TTLL7: variants seen among roughly 807,000 people sequenced by gnomAD.
The protein encoded by TTLL7 is tubulin tyrosine ligase like 7.
Under a neutral mutation model 120.2 loss-of-function variants are expected in TTLL7, and 53 were observed. The observed-to-expected ratio is 0.44, with a 90% CI of 0.35 to 0.55. TTLL7 has a LOEUF of 0.55. Ranked by LOEUF, TTLL7 falls within the 20% of genes least tolerant of loss-of-function variation. The pLI, the probability that TTLL7 is intolerant of heterozygous loss-of-function variation, is 0.00. For synonymous variants in TTLL7, 353 were observed against 351.7 expected (o/e 1.00, Z -0.04); for missense variants, 803 against 1,054.7 (o/e 0.76, Z 3.31).
intron 6 of TTLL7, 51 bp downstream of exon 6, chr1:83,947,073 A>G: frequency 2.7e-6 from 4 of 1,469,180 alleles, no homozygotes; most frequent in Non-Finnish European, 3.6e-6. Flanking sequence ...TATTCTCCCC[A>G]CTCCCAAATT....
intron 10 of TTLL7, among the ~76,000 whole-genome samples, chr1:83,924,195 A>T (rs1037565082): frequency 5.3e-5 from 8 of 152,300 alleles, no homozygotes; most frequent in African/African-American, 1.9e-4. Context: ...ATGGCATATA[A>T]ACAAAAACAC....
chr1:83,963,081 C>T (rs1650148748), intron 1 of TTLL7, among the ~76,000 whole-genome samples: 1 of 152,104 alleles, frequency 6.6e-6, no homozygotes, highest in Non-Finnish European at 1.5e-5. Flanking sequence ...TTTCTTGTAA[C>T]CATAATCTGA....
intron 1 of TTLL7, among the ~76,000 whole-genome samples, chr1:83,994,371 A>G (rs1653292153): frequency 6.6e-6 from 1 of 152,134 alleles, no homozygotes; most frequent in South Asian, 2.1e-4. Flanking sequence ...AAGAGAGTGG[A>G]GGTAGGACAG....
chr1:83,916,605 C>A (rs910033655), intron 14 of TTLL7, among the ~76,000 whole-genome samples: 1 of 151,228 alleles, frequency 6.6e-6, no homozygotes, highest in Non-Finnish European at 1.5e-5. Flanking sequence ...CAAACCTGCA[C>A]GTTGTGCACA....
intron 20 of TTLL7, among the ~76,000 whole-genome samples, chr1:83,874,597 C>T (rs182498597): frequency 2.4e-4 from 36 of 152,146 alleles, no homozygotes; most frequent in African/African-American, 7.7e-4. Flanking sequence ...ACCAGCAATG[C>T]ATGAGAAATC....
chr1:83,988,166 T>C (rs1414687348), intron 1 of TTLL7, among the ~76,000 whole-genome samples: 1 of 152,356 alleles, frequency 6.6e-6, no homozygotes, highest in East Asian at 1.9e-4. Context: ...TTAATTTGCT[T>C]AAGATAATGG....
intron 1 of TTLL7, among the ~76,000 whole-genome samples, chr1:83,964,570 G>T (rs1650285858): frequency 6.6e-6 from 1 of 151,950 alleles, no homozygotes; most frequent in Admixed American, 6.6e-5. Context: ...CATCTTATTG[G>T]GTGTTCCAGC....
chr1:83,973,957 T>C (rs1410315617), intron 1 of TTLL7, among the ~76,000 whole-genome samples: 1 of 151,996 alleles, frequency 6.6e-6, no homozygotes, highest in East Asian at 1.9e-4. Context: ...GTTATGCTTA[T>C]ACAAGCATAT....
At chr1:83,921,225 T>C in intron 11 of TTLL7, 22 bp downstream of exon 11, 1 of 1,610,852 alleles carries the variant, frequency 6.2e-7, no homozygotes, top group Non-Finnish European at 8.5e-7. Context: ...AAATTGTGGG[T>C]ACTTTCTTAA....
intron 8 of TTLL7, 90 bp downstream of exon 8, chr1:83,937,762 A>G (rs1647558299): frequency 1.4e-6 from 2 of 1,476,764 alleles, no homozygotes; most frequent in African/African-American, 1.4e-5. Context: ...ACCAAGTTCA[A>G]TCAACTCTTA....
chr1:83,892,376 A>G (rs1655615240), intron 18 of TTLL7, among the ~76,000 whole-genome samples: 1 of 132,452 alleles, frequency 7.5e-6, no homozygotes, highest in African/African-American at 2.7e-5. Flanking sequence ...ATACGAATAT[A>G]TATGAATATA....
At chr1:83,884,144 G>A (rs1456740668) in intron 19 of TTLL7, among the ~76,000 whole-genome samples, 1 of 151,644 alleles carries the variant, frequency 6.6e-6, no homozygotes, top group Non-Finnish European at 1.5e-5. Flanking sequence ...GAGGGAGAGA[G>A]AGAGAGAGAG....
intron 1 of TTLL7, among the ~76,000 whole-genome samples, chr1:83,989,997 A>C (rs1652832289): frequency 6.6e-6 from 1 of 152,088 alleles, no homozygotes; most frequent in African/African-American, 2.4e-5. Flanking sequence ...CTTAGCTTGA[A>C]TGCTATTGGT....
intron 14 of TTLL7, among the ~76,000 whole-genome samples, chr1:83,912,133 A>C: frequency 6.6e-6 from 1 of 152,186 alleles, no homozygotes; most frequent in East Asian, 1.9e-4. Flanking sequence ...TTCATTGCCC[A>C]TGCTACATTT....
At chr1:83,893,541 C>A (rs200524354) in intron 18 of TTLL7, among the ~76,000 whole-genome samples, 1 of 151,596 alleles carries the variant, frequency 6.6e-6, no homozygotes, top group Non-Finnish European at 1.5e-5. Flanking sequence ...AACATAAAGA[C>A]TAAAGACATT....
intron 1 of TTLL7, among the ~76,000 whole-genome samples, chr1:83,991,704 T>G (rs1323782967): frequency 6.6e-6 from 1 of 152,054 alleles, no homozygotes; most frequent in Admixed American, 6.6e-5. Context: ...GAAGAAAAAT[T>G]TGCCTTTGTG....
chr1:83,958,609 T>A (rs1423854033), intron 1 of TTLL7, among the ~76,000 whole-genome samples: 2 of 152,226 alleles, frequency 1.3e-5, no homozygotes, highest in Non-Finnish European at 2.9e-5. Context: ...ATTAATTTCA[T>A]TAAATTTCAG....
chr1:83,984,558 A>G (rs563864937), intron 1 of TTLL7, among the ~76,000 whole-genome samples: 137 of 152,370 alleles, frequency 9.0e-4, no homozygotes, highest in Middle Eastern at 6.8e-3. Flanking sequence ...GATAAATACA[A>G]TGTGGTACAT....
At chr1:83,934,949 A>G (rs1452544424) in intron 8 of TTLL7, among the ~76,000 whole-genome samples, 1 of 152,200 alleles carries the variant, frequency 6.6e-6, no homozygotes, top group African/African-American at 2.4e-5. Flanking sequence ...TCATTCCTCT[A>G]GAATTCCACC....
Sources: allele counts gnomAD v4.1 joint callset (sites outside exome capture counted in the v4.1 genomes callset), GRCh38; gene constraint gnomAD v4.1.1; transcripts MANE v1.5; gene names NCBI Gene and HGNC (gene_info 2026-07-23, HGNC 2026-07-21).